The following TTK variants were observed in gnomAD, a reference collection of about 807,000 sequenced individuals.
The protein encoded by TTK is dual specificity protein kinase TTK.
A neutral mutation model predicts 117.3 loss-of-function variants in TTK; 59 were observed. The ratio of observed to expected loss-of-function variants is 0.50; its 90% CI spans 0.41 to 0.62. TTK has a LOEUF of 0.62. Ranked by LOEUF, TTK falls within the 20% of genes least tolerant of loss-of-function variation. The probability of loss-of-function intolerance (pLI) is 0.00; values close to 1 mark genes in which losing one functional copy is unlikely to be tolerated. For missense variants in TTK, 921 were observed against 989.4 expected (o/e 0.93, Z 0.93); for synonymous variants, 302 against 325.0 (o/e 0.93, Z 0.76).
At chr6:80,011,022 A>G in intron 5 of TTK, 65 bp downstream of exon 5, 1 of 1,475,972 alleles carries the variant, frequency 6.8e-7, no homozygotes, top group Non-Finnish European at 9.1e-7. Flanking sequence ...ATTCGGGATA[A>G]TAATTTATAG....
At position 80,033,180 on chromosome 6, in the gene TTK, A is replaced by G. The variant is rs145652026; in HGVS notation, c.1614+1621A>G. On this transcript the variant is annotated intron_variant, in intron 14 of 21. Coordinates refer to ENST00000369798, the MANE Select transcript of TTK (RefSeq NM_003318.5). Reference sequence around the variant, plus strand: ...TCAAAGGTAGTATGAGCTCTGCTCTATGAGTTTAATTTTTAGATTTCGCAT... The same window carrying G: ...TCAAAGGTAGTATGAGCTCTGCTCTGTGAGTTTAATTTTTAGATTTCGCAT... 2.6e-5 allele frequency among the ~76,000 whole-genome samples: 4 copies of G among 152,294 alleles called. No individual in the cohort carries two copies. The East Asian group carries it at 7.7e-4, about 29-fold the overall frequency.
chr6:80,037,267 G>A (rs1460420450), intron 17 of TTK, among the ~76,000 whole-genome samples: 3 of 152,026 alleles, frequency 2.0e-5, no homozygotes, highest in African/African-American at 4.8e-5. Flanking sequence ...AATGATGGAC[G>A]ACATGCCCTA....
rs200060897 is a variant in TTK at position 80,011,457 on chromosome 6, G to A, written c.637G>A (p.Glu213Lys). The A allele has an allele frequency of 1.9e-6, 3 of 1,603,640 alleles. No homozygotes were observed. The highest frequency in any genetic ancestry group is 2.5e-6 in the Non-Finnish European group (3 of 1,176,690). The stretch of plus-strand genomic sequence containing the variant: ...AGCATCTACGGTATTAACTGCCCAA[G>A]AATCATTTTCCGGTTCACTTGGGCA... ...LSASTVLTAQ[E>K]SFSGSLGHLQ... is the part of the protein sequence containing the mutation. The change falls in exon 6 of 22, where the codon GAA becomes AAA. Residue 213 changes from glutamate to lysine, a missense_variant. By Grantham distance (56) the Glu-to-Lys change is moderately conservative. Coordinates refer to ENST00000369798, the MANE Select transcript of TTK (RefSeq NM_003318.5).
rs752483485 is a variant in TTK, at chr6:80,040,283, AC to A, written c.2392+4del. ...TGTTCAAATTCAAACTCATCCAGGT[AC>A]TACTTCTTTAAAAATTTGTTTATTA... On this transcript the variant is annotated splice_donor_region_variant and intron_variant, in intron 20 of 21. Coordinates refer to ENST00000369798, the MANE Select transcript of TTK (RefSeq NM_003318.5). 8.3e-6 allele frequency: 13 copies of A among 1,570,154 alleles called. No homozygotes were observed. The African/African-American group carries it at 1.4e-4, about 17-fold the overall frequency.
chr6:80,013,660 G>A (rs762106217), intron 9 of TTK: 4 of 199,776 alleles, frequency 2.0e-5, no homozygotes, highest in Non-Finnish European at 4.0e-5. Flanking sequence ...TTGGGAATAC[G>A]TGACTGGGGG....
chr6:80,004,958 A>G (rs1766947906), intron 1 of TTK: 1 of 152,228 alleles, frequency 6.6e-6, no homozygotes, highest in South Asian at 2.1e-4. Context: ...CACGCTGGAA[A>G]GAAGGGGTGG....
intron 11 of TTK, among the ~76,000 whole-genome samples, chr6:80,024,167 A>T (rs9294168): frequency 6.6e-6 from 1 of 152,100 alleles, no homozygotes; most frequent in South Asian, 2.1e-4. Context: ...GTGGGAATGT[A>T]AAATGGTGCA....
chr6:80,012,046 A>G, intron 8 of TTK, 66 bp downstream of exon 8: 1 of 1,316,406 alleles, frequency 7.6e-7, no homozygotes, highest in Non-Finnish European at 1.0e-6. Flanking sequence ...GAATGGTCTT[A>G]AAGTCTTTTA....
intron 18 of TTK, 86 bp from the exon 19 acceptor site, chr6:80,039,610 T>C (rs565937487): frequency 3.0e-6 from 3 of 1,013,620 alleles, no homozygotes; most frequent in South Asian, 2.6e-5. Flanking sequence ...AATTATGATT[T>C]TAAATATGTA....
intron 20 of TTK, 36 bp from the exon 21 acceptor site, chr6:80,040,570 T>A (rs751842516): frequency 6.4e-7 from 1 of 1,564,452 alleles, no homozygotes; most frequent in Non-Finnish European, 8.7e-7. Flanking sequence ...TATATTTTTC[T>A]TACTGGTACT....
chr6:80,021,928 C>G (rs191008393), intron 10 of TTK, among the ~76,000 whole-genome samples: 4 of 151,004 alleles, frequency 2.6e-5, no homozygotes, highest in Admixed American at 1.3e-4. Flanking sequence ...AGGCTGAAAG[C>G]AAAAAGGAAA....
At chr6:80,005,815 G>A in intron 1 of TTK, 27 bp from the exon 2 acceptor site, 1 of 1,609,298 alleles carries the variant, frequency 6.2e-7, no homozygotes, top group South Asian at 1.1e-5. Flanking sequence ...TAAAGTAGGA[G>A]TTATGACTGT....
chr6:80,040,204 A>T lies in TTK; in HGVS notation c.2316A>T (p.Leu772Phe), dbSNP rs1768009317. 1 of 1,580,982 alleles carries T rather than the reference A, an allele frequency of 6.3e-7. No homozygotes were observed. The highest frequency in any genetic ancestry group is 1.2e-5 in the South Asian group (1 of 83,444). The change falls in exon 20 of 22, where the codon TTA becomes TTT. Residue 772 changes from leucine to phenylalanine, a missense_variant. Coordinates refer to ENST00000369798, the MANE Select transcript of TTK (RefSeq NM_003318.5). ...KDLQDVLKCCLKRDPKQRISI... is the reference protein window; with the variant it reads ...KDLQDVLKCCFKRDPKQRISI... ...TATCTTTGTTTTAATAGTGTTGTTT[A>T]AAAAGGGACCCAAAACAGAGGATAT... is the stretch of plus-strand genomic sequence containing the variant.
intron 10 of TTK, among the ~76,000 whole-genome samples, chr6:80,016,673 T>C (rs578217728): frequency 5.3e-5 from 8 of 152,300 alleles, no homozygotes; most frequent in African/African-American, 1.4e-4. Flanking sequence ...TATTTTTCTT[T>C]CCCTTTTTAG....
Position 80,010,770 on chromosome 6 carries a change from G to T in TTK, c.470-44G>T, listed in dbSNP as rs767805082. 3.8e-6 allele frequency: 6 copies of T among 1,577,392 alleles called. No homozygotes were observed. In the South Asian group the frequency reaches 6.9e-5, roughly 18 times the overall value. On this transcript the variant is annotated intron_variant, in intron 4 of 21. Coordinates refer to ENST00000369798, the MANE Select transcript of TTK (RefSeq NM_003318.5). ...CGTATCTGGGTGGTCTGGGTGGTGG[G>T]CATTTTACTGCCTAAAAATGACAAT...
Position 80,012,865 on chromosome 6 carries a change from A to G in TTK, c.897-414A>G, listed in dbSNP as rs1767197825. ...CAAAAAATTAAAAACAAAAACAGAA[A>G]AACTGCAGCCATTTTCTTGGTTCCT... is the stretch of plus-strand genomic sequence containing the variant. On this transcript the variant is annotated intron_variant, in intron 8 of 21. Transcript: ENST00000369798. 2.0e-5 allele frequency among the ~76,000 whole-genome samples: 3 copies of G among 152,040 alleles called. No individual in the cohort carries two copies. In the South Asian group the frequency reaches 6.2e-4, roughly 31 times the overall value.
chr6:80,037,865 TATAATAATA>T (rs3049175), intron 17 of TTK, 93 bp from the exon 18 acceptor site: 49,057 of 399,476 alleles, frequency 0.12, 2,814 homozygotes, highest in Middle Eastern at 0.2. Context: ...AAACTTAAAG[TATAATAATA>T]ATAATAATAA....
chr6:80,008,405 G>A lies in TTK; in HGVS notation c.382G>A (p.Ala128Thr). The change falls in exon 4 of 22, where the codon GCA (alanine) becomes ACA (threonine). Residue 128 changes from alanine (A) to threonine (T), a missense_variant. Transcript: ENST00000369798. ...TTACAGTATTCAAGAGCCAGATGATGCACGTGACTACTTTCAAATGGCCAG... is the reference window on the plus strand; with the variant it reads ...TTACAGTATTCAAGAGCCAGATGATACACGTGACTACTTTCAAATGGCCAG... ...ELKAIQEPDDARDYFQMARAN... is the reference protein window; with the variant it reads ...ELKAIQEPDDTRDYFQMARAN... 2 of 1,611,758 alleles carry A rather than the reference G, an allele frequency of 1.2e-6. No homozygotes were observed. The highest frequency in any genetic ancestry group is 1.1e-5 in the South Asian group (1 of 90,656).
In TTK at chr6:80,036,368, G is replaced by T. The variant is rs1023133894; in HGVS notation, c.1925-107G>T. On this transcript the variant is annotated intron_variant, in intron 16 of 21. Coordinates refer to ENST00000369798, the MANE Select transcript of TTK (RefSeq NM_003318.5). ...ATATATAAAAAAATTATTGAATTGG[G>T]TTCACTAATTGAAGGAATAAATACA... 4.6e-6 allele frequency: 6 copies of T among 1,294,442 alleles called. No homozygotes were observed. In the African/African-American group the frequency reaches 9.0e-5, roughly 19 times the overall value. 80.2% of individuals were successfully genotyped at this position (1,294,442 alleles called of 1,614,324 possible).
Sources: allele counts gnomAD v4.1 joint callset (sites outside exome capture counted in the v4.1 genomes callset), GRCh38; gene constraint gnomAD v4.1.1; transcripts MANE v1.5; gene names NCBI Gene and HGNC (gene_info 2026-07-23, HGNC 2026-07-21).